Variants in EHF observed in about 807,000 individuals in gnomAD.
EHF encodes ETS homologous factor.
A neutral mutation model predicts 45.1 loss-of-function variants in EHF; 14 were observed. That is an observed-to-expected ratio of 0.31 (90% CI 0.21 to 0.49). EHF has a LOEUF of 0.49. Ranked by LOEUF, EHF falls within the 20% of genes least tolerant of loss-of-function variation. The pLI is 0.99. For synonymous variants in EHF, 136 were observed against 131.8 expected (o/e 1.03, Z -0.22); for missense variants, 282 against 371.4 (o/e 0.76, Z 1.98).
At position 34,661,912 on chromosome 11, in the gene EHF, G is replaced by C. The variant is rs917800928; in HGVS notation, c.*2981G>C. 1.3e-5 allele frequency among the ~76,000 whole-genome samples: 2 copies of C among 152,084 alleles called. No homozygotes were observed. Among genetic ancestry groups the C allele is most frequent in the African/African-American group, 4.8e-5 (2 of 41,436 alleles). ...AAATCTATTGCTAAGACTTTACCAG[G>C]CTCAAATCATCTGAGGCTGATAGAT... On this transcript the variant is annotated 3_prime_UTR_variant, in exon 9 of 9. Transcript: ENST00000257831.
chr11:34,657,563 T>C (rs1855781661), intron 7 of EHF, among the ~76,000 whole-genome samples: 1 of 151,810 alleles, frequency 6.6e-6, no homozygotes. Flanking sequence ...CTGAGGTGGG[T>C]GGATCACTTG....
chr11:34,651,692 G>C lies in EHF; in HGVS notation c.476-45G>C, dbSNP rs756658488. ...GCCACAGTGTTCTATTGTGAGGTGG[G>C]GGGAGGGGGTGCTCTAAATGTCCTT... On this transcript the variant is annotated intron_variant, in intron 5 of 8. Coordinates refer to ENST00000257831, the MANE Select transcript of EHF (RefSeq NM_012153.6). The C allele has an allele frequency of 6.0e-5, 96 of 1,610,426 alleles. No homozygotes were observed. In the South Asian group the frequency reaches 1.0e-3, roughly 17 times the overall value.
rs1013275242 is a variant in EHF at position 34,662,563 on chromosome 11, G to C, written c.*3632G>C. 6.6e-6 allele frequency among the ~76,000 whole-genome samples: 1 copy of C among 151,938 alleles called. No homozygotes were observed. Among genetic ancestry groups the C allele is most frequent in the African/African-American group, 2.4e-5 (1 of 41,374 alleles). ...AGCAGTTCTAAGTTTTAGTATTTGG[G>C]GGATTGGTTTTTATTATTTTTTTCC... is the stretch of plus-strand genomic sequence containing the variant. On this transcript the variant is annotated 3_prime_UTR_variant, in exon 9 of 9. Transcript: ENST00000257831.
At chr11:34,640,521 C>G (rs1003452954) in intron 1 of EHF, among the ~76,000 whole-genome samples, 1 of 152,204 alleles carries the variant, frequency 6.6e-6, no homozygotes. Flanking sequence ...CAGCCTTGAG[C>G]AAACAAGACA....
chr11:34,646,132 A>G (rs559096837), intron 2 of EHF, among the ~76,000 whole-genome samples: 1 of 151,666 alleles, frequency 6.6e-6, no homozygotes, highest in East Asian at 1.9e-4. Flanking sequence ...CGATTTGGGT[A>G]TGGACAATAA....
At position 34,649,025 on chromosome 11, in the gene EHF, G is replaced by A. The variant is rs1483897899; in HGVS notation, c.350G>A (p.Cys117Tyr). ...NLQHLKWNGQ[C>Y]SSDLFQSTHN... ...CCCAATCTGTCCTTCACAGGCCAGT[G>A]CAGTAGTGACCTGTTCCAGTCCACA... Residue 117 changes from cysteine to tyrosine, a missense_variant, in exon 4 of 9, where the codon TGC becomes TAC. By Grantham distance (194) the Cys-to-Tyr change is radical. Transcript: ENST00000257831. 1.2e-6 allele frequency: 2 copies of A among 1,613,810 alleles called. No homozygotes were observed. Among genetic ancestry groups the A allele is most frequent in the African/African-American group, 1.3e-5 (1 of 74,924 alleles).
intron 6 of EHF, among the ~76,000 whole-genome samples, chr11:34,654,919 T>C (rs972790478): frequency 6.6e-6 from 1 of 152,168 alleles, no homozygotes; most frequent in African/African-American, 2.4e-5. Context: ...CTGGATGTCA[T>C]TTGAAAATGA....
At chr11:34,629,510 C>G (rs1852678496) in intron 1 of EHF, among the ~76,000 whole-genome samples, 1 of 152,204 alleles carries the variant, frequency 6.6e-6, no homozygotes, top group African/African-American at 2.4e-5. Context: ...GAGAGGTCGT[C>G]TAATTTGTGA....
chr11:34,650,746 T>C (rs1001865830), intron 4 of EHF, among the ~76,000 whole-genome samples: 4 of 152,080 alleles, frequency 2.6e-5, no homozygotes, highest in East Asian at 3.9e-4. Flanking sequence ...TGAGCTCCAT[T>C]TGGGGTAGGT....
intron 1 of EHF, among the ~76,000 whole-genome samples, chr11:34,638,198 G>A (rs568558342): frequency 1.4e-4 from 22 of 152,280 alleles, no homozygotes; most frequent in African/African-American, 3.4e-4. Flanking sequence ...CATCGCACCC[G>A]GTCACACTTC....
intron 1 of EHF, among the ~76,000 whole-genome samples, chr11:34,634,496 T>C (rs1853204156): frequency 6.6e-6 from 1 of 152,170 alleles, no homozygotes; most frequent in Non-Finnish European, 1.5e-5. Flanking sequence ...GCCTTGACTC[T>C]CAATCCCCTG....
At chr11:34,654,003 C>G (rs369296646) in intron 6 of EHF, among the ~76,000 whole-genome samples, 4 of 152,312 alleles carry the variant, frequency 2.6e-5, no homozygotes, top group African/African-American at 9.6e-5. Context: ...GTCATGCCAG[C>G]TCGGGCTTGA....
chr11:34,641,942 C>T (rs1854040803), intron 1 of EHF: 1 of 152,076 alleles, frequency 6.6e-6, no homozygotes, highest in Non-Finnish European at 1.5e-5. Context: ...TTCTCCAGGT[C>T]TCTAACAGGA....
chr11:34,643,382 A>G (rs1040772841), intron 2 of EHF, among the ~76,000 whole-genome samples: 6 of 152,080 alleles, frequency 3.9e-5, no homozygotes, highest in African/African-American at 1.4e-4. Flanking sequence ...GGAACCCCAT[A>G]CCCCAATTTA....
chr11:34,628,291 TATG>T (rs1852552473), intron 1 of EHF, among the ~76,000 whole-genome samples: 1 of 152,178 alleles, frequency 6.6e-6, no homozygotes, highest in Non-Finnish European at 1.5e-5. Context: ...ACCAACATAA[TATG>T]ATATCACACA....
intron 2 of EHF, 32 bp from the exon 3 acceptor site, chr11:34,646,407 G>A (rs1476835596): frequency 2.5e-6 from 4 of 1,612,162 alleles, no homozygotes; most frequent in Non-Finnish European, 3.4e-6. Context: ...AACAGCCAGG[G>A]GTCACTCATG....
At chr11:34,626,839 C>G (rs1565021298) in intron 1 of EHF, among the ~76,000 whole-genome samples, 1 of 152,174 alleles carries the variant, frequency 6.6e-6, no homozygotes, top group African/African-American at 2.4e-5. Flanking sequence ...TTAAGCTGGA[C>G]TCTACCACTG....
intron 2 of EHF, among the ~76,000 whole-genome samples, chr11:34,642,951 C>T (rs1214231157): frequency 6.6e-6 from 1 of 152,082 alleles, no homozygotes; most frequent in Non-Finnish European, 1.5e-5. Context: ...TTCAAGGTTC[C>T]AGATTGACAG....
chr11:34,631,306 A>G (rs960616098), intron 1 of EHF, among the ~76,000 whole-genome samples: 2 of 152,222 alleles, frequency 1.3e-5, no homozygotes, highest in Non-Finnish European at 2.9e-5. Context: ...TGCTGGGATT[A>G]AAAGCATGAG....
Sources: gnomAD v4.1 joint callset for allele counts (sites outside exome capture counted in the v4.1 genomes callset) on GRCh38, gnomAD v4.1.1 for gene constraint, MANE v1.5 for transcripts, NCBI Gene and HGNC (gene_info 2026-07-23, HGNC 2026-07-21) for gene names.